Variants in PTPRE observed in about 807,000 individuals in gnomAD.
PTPRE encodes the protein receptor-type tyrosine-protein phosphatase epsilon.
A neutral mutation model predicts 102.0 loss-of-function variants in PTPRE; 51 were observed. That is an observed-to-expected ratio of 0.50 (90% CI 0.40 to 0.63). The LOEUF (loss-of-function observed/expected upper bound fraction) is 0.63, where lower values mean the gene tolerates loss of function less well. Ranked by LOEUF, PTPRE falls within the 30% of genes least tolerant of loss-of-function variation. The pLI, the probability that PTPRE is intolerant of heterozygous loss-of-function variation, is 0.00. For synonymous variants in PTPRE, 345 were observed against 348.2 expected (o/e 0.99, Z 0.10); for missense variants, 752 against 915.1 (o/e 0.82, Z 2.30).
At chr10:127,990,706 T>A (rs994955777) in intron 2 of PTPRE, among the ~76,000 whole-genome samples, 1 of 152,160 alleles carries the variant, frequency 6.6e-6, no homozygotes, top group East Asian at 1.9e-4. Context: ...TTGGGGTGAA[T>A]GTTTTGTCAT....
chr10:127,940,562 A>T (rs7087055), intron 1 of PTPRE, among the ~76,000 whole-genome samples: 40,510 of 151,974 alleles, frequency 0.27, 5,935 homozygotes, highest in East Asian at 0.42. Context: ...TCCTTCCTTC[A>T]TCAGGTGTTG....
chr10:128,068,299 G>A lies in PTPRE; in HGVS notation c.1007+13G>A. Reference sequence around the variant, plus strand: ...TGGTCCACTGTAGGTACGCTGTGGGGGCCACGGGGCGGGACCCTCAAGGGC... The same window carrying A: ...TGGTCCACTGTAGGTACGCTGTGGGAGCCACGGGGCGGGACCCTCAAGGGC... On this transcript the variant is annotated intron_variant, in intron 12 of 20. Transcript: ENST00000254667. 6.2e-7 allele frequency: 1 copy of A among 1,606,228 alleles called. No homozygotes were observed. The highest frequency in any genetic ancestry group is 8.5e-7 in the Non-Finnish European group (1 of 1,174,826).
intron 1 of PTPRE, among the ~76,000 whole-genome samples, chr10:127,925,171 A>G (rs1423119111): frequency 6.6e-6 from 1 of 152,218 alleles, no homozygotes; most frequent in Non-Finnish European, 1.5e-5. Context: ...TCCTTGCCAG[A>G]TGGACCTATC....
At chr10:128,013,100 C>A (rs938886909) in intron 2 of PTPRE, among the ~76,000 whole-genome samples, 6 of 152,106 alleles carry the variant, frequency 3.9e-5, no homozygotes, top group Non-Finnish European at 7.3e-5. Context: ...CAAAGGGTAG[C>A]TTTTTGGGTT....
rs1175427191 is a variant in PTPRE, at chr10:127,907,488, G to A, written c.-31+179G>A. 6.6e-6 allele frequency among the ~76,000 whole-genome samples: 1 copy of A among 151,632 alleles called. No individual in the cohort carries two copies. The highest frequency in any genetic ancestry group is 6.6e-5 in the Admixed American group (1 of 15,248). The stretch of plus-strand genomic sequence containing the variant: ...CGGCGCGCCCAGTACCAGCGGCTGG[G>A]GCCCGTACGACCCCCGACCCCGGCC... On this transcript the variant is annotated intron_variant, in intron 1 of 20. Transcript: ENST00000254667. The surrounding 1 kb of genome is among the most constrained non-coding windows in gnomAD (Gnocchi z 4.8).
intron 2 of PTPRE, among the ~76,000 whole-genome samples, chr10:127,997,032 A>T (rs1298788633): frequency 1.3e-5 from 2 of 152,228 alleles, no homozygotes; most frequent in Non-Finnish European, 2.9e-5. Flanking sequence ...AAATAGAAAA[A>T]AAAAGAACAC....
In PTPRE at chr10:127,992,362, G is replaced by T. The variant is rs529419599; in HGVS notation, c.-8+10066G>T. Among the ~76,000 whole-genome samples, 1,304 of 152,278 alleles carry T rather than the reference G, an allele frequency of 8.6e-3. 7 individuals are homozygous for T. Among genetic ancestry groups the T allele is most frequent in the Non-Finnish European group, 0.014 (944 of 68,006 alleles). On this transcript the variant is annotated intron_variant, in intron 2 of 20. Transcript: ENST00000254667. Reference sequence around the variant, plus strand: ...GTGGAGTCACCTCTGCAAGGCTCTAGGGTTCTCGCCATCCAGGTTGGGCCC... The same window carrying T: ...GTGGAGTCACCTCTGCAAGGCTCTATGGTTCTCGCCATCCAGGTTGGGCCC...
At chr10:128,045,219 G>T (rs1197073472) in intron 3 of PTPRE, among the ~76,000 whole-genome samples, 1 of 152,266 alleles carries the variant, frequency 6.6e-6, no homozygotes, top group African/African-American at 2.4e-5. Flanking sequence ...CGTGTGCACG[G>T]CCCCTTTCTG....
intron 20 of PTPRE, among the ~76,000 whole-genome samples, chr10:128,081,303 G>C (rs77227878): frequency 0.039 from 5,966 of 152,292 alleles, 132 homozygotes; most frequent in Admixed American, 0.049. Context: ...TCCTAGGTAG[G>C]CTTTGGTTGG....
chr10:127,979,975 T>C (rs1325223417), intron 1 of PTPRE, among the ~76,000 whole-genome samples: 1 of 152,238 alleles, frequency 6.6e-6, no homozygotes, highest in African/African-American at 2.4e-5. Context: ...TCCTGGCTTC[T>C]TCCCTTGCTT....
chr10:128,055,245 GGGA>G (rs752266014), intron 6 of PTPRE, among the ~76,000 whole-genome samples: 43 of 152,294 alleles, frequency 2.8e-4, no homozygotes, highest in Non-Finnish European at 5.1e-4. Context: ...GTGCATTGTG[GGGA>G]GCTCACCTGA....
intron 2 of PTPRE, among the ~76,000 whole-genome samples, chr10:128,037,942 C>G (rs1000495345): frequency 4.0e-5 from 6 of 150,290 alleles, no homozygotes; most frequent in African/African-American, 1.5e-4. Flanking sequence ...AGGTGCCTGC[C>G]ACCATGTCCG....
chr10:128,041,259 C>A (rs1021436707), intron 3 of PTPRE, among the ~76,000 whole-genome samples: 1 of 152,100 alleles, frequency 6.6e-6, no homozygotes, highest in Non-Finnish European at 1.5e-5. Context: ...GGCAGGAGTG[C>A]AAAAGGGTTA....
intron 1 of PTPRE, among the ~76,000 whole-genome samples, chr10:127,973,907 A>G (rs924060975): frequency 2.0e-5 from 3 of 151,822 alleles, no homozygotes; most frequent in African/African-American, 7.3e-5. Flanking sequence ...TGCTTCCTCT[A>G]TTGTTAAATG....
chr10:127,964,968 G>C, intron 1 of PTPRE: 1 of 456,626 alleles, frequency 2.2e-6, no homozygotes, highest in South Asian at 1.5e-5. Flanking sequence ...CAGGGACCGT[G>C]CCGTGAACCT....
chr10:128,011,558 G>T (rs1430850461), intron 2 of PTPRE, among the ~76,000 whole-genome samples: 1 of 152,250 alleles, frequency 6.6e-6, no homozygotes, highest in Non-Finnish European at 1.5e-5. Context: ...CAAGCTTGGC[G>T]CATGCGCGGA....
At chr10:127,934,379 C>T (rs1847675846) in intron 1 of PTPRE, 1 of 152,154 alleles carries the variant, frequency 6.6e-6, no homozygotes, top group Non-Finnish European at 1.5e-5. Context: ...AGACTCCCTG[C>T]CTTTTGGGAC....
Position 127,944,047 on chromosome 10 carries a change from C to T in PTPRE, c.-31+36738C>T, listed in dbSNP as rs140344803. On this transcript the variant is annotated intron_variant, in intron 1 of 20. Transcript: ENST00000254667. The surrounding 1 kb of genome is among the most constrained non-coding windows in gnomAD (Gnocchi z 4.2). ...TTGTGCACGACAGAACCTAAGGGCA[C>T]ACAAAGTTGCTCCTGTCAGGGATGT... 1.4e-4 allele frequency among the ~76,000 whole-genome samples: 21 copies of T among 152,300 alleles called. No individual in the cohort carries two copies. In the East Asian group the frequency reaches 3.9e-3, roughly 28 times the overall value.
At chr10:128,013,881 C>T (rs1026780576) in intron 2 of PTPRE, among the ~76,000 whole-genome samples, 3 of 152,028 alleles carry the variant, frequency 2.0e-5, no homozygotes, top group Non-Finnish European at 2.9e-5. Flanking sequence ...GAGGGAGTTT[C>T]CCGAAGGCAG....
Sources: allele counts gnomAD v4.1 joint callset (sites outside exome capture counted in the v4.1 genomes callset), GRCh38; gene constraint gnomAD v4.1.1; non-coding constraint Gnocchi (gnomAD v3.1); transcripts MANE v1.5; gene names NCBI Gene and HGNC (gene_info 2026-07-23, HGNC 2026-07-21).